GSK3B: variants seen among roughly 807,000 people sequenced by gnomAD.
GSK3B encodes the protein glycogen synthase kinase 3 beta, also known as glycogen synthase kinase-3 beta.
GSK3B carries 15 observed loss-of-function variants against 56.4 expected under a neutral mutation model. That is an observed-to-expected ratio of 0.27 (90% confidence interval 0.18 to 0.41). GSK3B has a LOEUF of 0.41. Ranked by LOEUF, GSK3B falls within the 10% of genes least tolerant of loss-of-function variation. The probability of loss-of-function intolerance (pLI) is 1.00; values close to 1 mark genes in which losing one functional copy is unlikely to be tolerated. For missense variants in GSK3B, 300 were observed against 513.4 expected, an observed-to-expected ratio of 0.58 and a Z score of 4.02; for synonymous variants, 181 against 188.9, an observed-to-expected ratio of 0.96 and a Z score of 0.34.
chr3:119,839,469 A>G (rs2055739909), intron 10 of GSK3B, among the ~76,000 whole-genome samples: 1 of 152,162 alleles, frequency 6.6e-6, no homozygotes, highest in Non-Finnish European at 1.5e-5. Context: ...TATAAACATA[A>G]AAAGTGTCCC....
chr3:119,979,719 C>G (rs1359672584), intron 2 of GSK3B, among the ~76,000 whole-genome samples: 1 of 152,176 alleles, frequency 6.6e-6, no homozygotes, highest in Non-Finnish European at 1.5e-5. Context: ...TGTCTTGCAA[C>G]TCTTGGTGCA....
At chr3:119,834,258 T>G (rs1007253914) in intron 10 of GSK3B, among the ~76,000 whole-genome samples, 3 of 152,234 alleles carry the variant, frequency 2.0e-5, no homozygotes, top group Non-Finnish European at 4.4e-5. Flanking sequence ...TCTTAGATAT[T>G]AATGTTATTA....
chr3:119,933,861 A>G (rs2056969839), intron 3 of GSK3B, among the ~76,000 whole-genome samples: 1 of 152,236 alleles, frequency 6.6e-6, no homozygotes, highest in Non-Finnish European at 1.5e-5. Flanking sequence ...TGATAGGCAG[A>G]GCGAGACTCC....
intron 1 of GSK3B, among the ~76,000 whole-genome samples, chr3:120,012,750 T>A (rs746049055): frequency 6.6e-6 from 1 of 152,198 alleles, no homozygotes; most frequent in Non-Finnish European, 1.5e-5. Flanking sequence ...GCTCACTCAC[T>A]GTAACACTGA....
rs142376877 is a variant in GSK3B, at chr3:119,914,213, A to C, written c.609-1403T>G. ...TTTGGCCCCTTTTCATCTAGTAAAA[A>C]AATAAGAAGAAAGTAATAGTATTTT... On this transcript the variant is annotated intron_variant, in intron 5 of 10. Transcript: ENST00000264235. Among the ~76,000 whole-genome samples, 108 of 152,148 alleles carry C rather than the reference A, an allele frequency of 7.1e-4. 1 individual carries two copies. The East Asian group carries it at 0.019, about 26-fold the overall frequency.
chr3:119,885,338 A>G (rs1043101766), intron 7 of GSK3B, among the ~76,000 whole-genome samples: 1 of 152,096 alleles, frequency 6.6e-6, no homozygotes, highest in African/African-American at 2.4e-5. Context: ...CTCTACAGGG[A>G]GAACTACAAA....
intron 6 of GSK3B, among the ~76,000 whole-genome samples, chr3:119,911,443 TAA>T (rs144001846): frequency 0.017 from 2,584 of 152,236 alleles, 62 homozygotes; most frequent in African/African-American, 0.059. Context: ...GGCTTGCACT[TAA>T]AAGTCACCAG....
chr3:119,973,482 C>G (rs374481290), intron 2 of GSK3B, among the ~76,000 whole-genome samples: 170 of 152,268 alleles, frequency 1.1e-3, no homozygotes, highest in African/African-American at 3.9e-3. Context: ...GGATCATTCA[C>G]AGCAGATTAT....
chr3:119,876,328 T>C (rs2056313065), intron 8 of GSK3B, 85 bp downstream of exon 8: 1 of 753,870 alleles, frequency 1.3e-6, no homozygotes, highest in African/African-American at 1.7e-5. Flanking sequence ...CATGCAACTA[T>C]CTGATCTCAA....
chr3:119,888,869 G>C (rs1409907606), intron 7 of GSK3B, among the ~76,000 whole-genome samples: 1 of 152,030 alleles, frequency 6.6e-6, no homozygotes, highest in Non-Finnish European at 1.5e-5. Context: ...TAGAGATAAG[G>C]ACTGAAATCC....
chr3:120,032,361 G>A (rs1286287984), intron 1 of GSK3B, among the ~76,000 whole-genome samples: 1 of 151,982 alleles, frequency 6.6e-6, no homozygotes, highest in Non-Finnish European at 1.5e-5. Context: ...TGTAATCCCA[G>A]CTACTCAGGA....
rs2055427981 is a variant in GSK3B at position 119,822,498 on chromosome 3, G to A, written c.*4290C>T. ...TTGTCAAGCTAACCCCTTATGTACTGGTTGTCATTTTGCTTTTATTGCAGA... is the reference window on the plus strand; with the variant it reads ...TTGTCAAGCTAACCCCTTATGTACTAGTTGTCATTTTGCTTTTATTGCAGA... On this transcript the variant is annotated 3_prime_UTR_variant, in exon 11 of 11. Coordinates refer to ENST00000264235, the MANE Select transcript of GSK3B (RefSeq NM_001146156.2). 1 of 225,870 alleles carries A rather than the reference G, an allele frequency of 4.4e-6. No homozygotes were observed. Among genetic ancestry groups the A allele is most frequent in the African/African-American group, 2.2e-5 (1 of 44,882 alleles). The allele number at this position is 225,870 out of a possible 1,614,324, so 14.0% of individuals were successfully genotyped here. A position where few individuals can be genotyped will look rare whatever the true frequency, so the allele number is the denominator to read the frequency against.
chr3:120,038,194 A>G (rs1029049828), intron 1 of GSK3B, among the ~76,000 whole-genome samples: 1 of 152,216 alleles, frequency 6.6e-6, no homozygotes, highest in South Asian at 2.1e-4. Flanking sequence ...TTAAAGGCAT[A>G]ATATGAAGTC....
intron 7 of GSK3B, among the ~76,000 whole-genome samples, chr3:119,896,545 A>T (rs1164027113): frequency 6.7e-6 from 1 of 150,046 alleles, no homozygotes; most frequent in Non-Finnish European, 1.5e-5. Flanking sequence ...TTAATATCTT[A>T]TACATCAAAT....
Position 119,836,796 on chromosome 3 carries a change from C to T in GSK3B, c.1195+6459G>A, listed in dbSNP as rs576936878. On this transcript the variant is annotated intron_variant, in intron 10 of 10. Coordinates refer to ENST00000264235, the MANE Select transcript of GSK3B (RefSeq NM_001146156.2). ...ACCAGAAGAGTAATCTCTAGGAAAC[C>T]CAGCCCAGTTCCAATGAATTTATCA... Among the ~76,000 whole-genome samples the T allele has an allele frequency of 6.6e-5, 10 of 152,272 alleles. No homozygotes were observed. The South Asian group carries it at 2.1e-3, about 32-fold the overall frequency.
intron 7 of GSK3B, among the ~76,000 whole-genome samples, chr3:119,889,162 A>G (rs2056473312): frequency 6.6e-6 from 1 of 151,938 alleles, no homozygotes; most frequent in African/African-American, 2.4e-5. Flanking sequence ...CCCCTTTTGA[A>G]ATCCTTAATA....
intron 2 of GSK3B, among the ~76,000 whole-genome samples, chr3:119,998,700 C>G (rs2057647736): frequency 6.6e-6 from 1 of 152,090 alleles, no homozygotes; most frequent in Non-Finnish European, 1.5e-5. Flanking sequence ...AGACCATAAT[C>G]CCACCACTTT....
At chr3:119,929,000 TCTA>T (rs2056917163) in intron 3 of GSK3B, among the ~76,000 whole-genome samples, 1 of 152,210 alleles carries the variant, frequency 6.6e-6, no homozygotes, top group South Asian at 2.1e-4. Flanking sequence ...TTTCTTTAAA[TCTA>T]ATAAGTGATT....
chr3:120,033,736 G>A (rs2057997956), intron 1 of GSK3B, among the ~76,000 whole-genome samples: 1 of 152,066 alleles, frequency 6.6e-6, no homozygotes, highest in East Asian at 1.9e-4. Context: ...GAGTTCTCAC[G>A]AGATCTAGTT....
Sources: allele counts gnomAD v4.1 joint callset (sites outside exome capture counted in the v4.1 genomes callset), GRCh38; gene constraint gnomAD v4.1.1; transcripts MANE v1.5; gene names NCBI Gene and HGNC (gene_info 2026-07-23, HGNC 2026-07-21).